DLG2: variants seen among roughly 807,000 people sequenced by gnomAD.
The protein encoded by DLG2 is disks large homolog 2.
DLG2 carries 45 observed loss-of-function variants against 132.5 expected under a neutral mutation model. That is an observed-to-expected ratio of 0.34 (90% CI 0.27 to 0.44). The LOEUF (loss-of-function observed/expected upper bound fraction) is 0.44. DLG2 is among the 20% of genes least tolerant of loss of function. The probability of loss-of-function intolerance (pLI) is 1.00; values close to 1 mark genes in which losing one functional copy is unlikely to be tolerated. For synonymous variants in DLG2, 424 were observed against 419.6 expected, an observed-to-expected ratio of 1.01 and a Z score of -0.13; for missense variants, 1,045 against 1,196.9, an observed-to-expected ratio of 0.87 and a Z score of 1.87.
At chr11:85,260,200 A>G (rs2076870677) in intron 4 of DLG2, among the ~76,000 whole-genome samples, 1 of 152,226 alleles carries the variant, frequency 6.6e-6, no homozygotes. Flanking sequence ...GAGAGAATTA[A>G]TGTGATGCCC....
intron 3 of DLG2, among the ~76,000 whole-genome samples, chr11:85,562,732 TATTC>T (rs146582751): frequency 3.3e-5 from 5 of 151,826 alleles, no homozygotes; most frequent in Non-Finnish European, 7.4e-5. Flanking sequence ...ACTTCCCATC[TATTC>T]ATTCATTCAT....
intron 8 of DLG2, among the ~76,000 whole-genome samples, chr11:84,236,151 G>A (rs976174986): frequency 1.3e-5 from 2 of 151,800 alleles, no homozygotes; most frequent in East Asian, 3.9e-4. Flanking sequence ...TGTGCCCTTG[G>A]CCATACCAAA....
intron 9 of DLG2, among the ~76,000 whole-genome samples, chr11:84,129,559 T>C (rs1449360257): frequency 6.6e-6 from 1 of 152,086 alleles, no homozygotes; most frequent in Non-Finnish European, 1.5e-5. Context: ...TCATCTTGCC[T>C]CAAAACAGCC....
At chr11:83,667,123 T>TA (rs1424126502) in intron 18 of DLG2, among the ~76,000 whole-genome samples, 2 of 152,232 alleles carry the variant, frequency 1.3e-5, no homozygotes, top group East Asian at 3.8e-4. Flanking sequence ...TATAAAAATA[T>TA]GAATAAAGGA....
At chr11:85,206,330 C>T (rs1670603839) in intron 4 of DLG2, among the ~76,000 whole-genome samples, 1 of 152,022 alleles carries the variant, frequency 6.6e-6, no homozygotes, top group African/African-American at 2.4e-5. Context: ...TATAGAAATG[C>T]AAGAACAGAC....
At chr11:85,570,006 C>G (rs1025823724) in intron 3 of DLG2, among the ~76,000 whole-genome samples, 3 of 152,104 alleles carry the variant, frequency 2.0e-5, no homozygotes, top group African/African-American at 7.2e-5. Flanking sequence ...AAGAGGGGGA[C>G]GTACGAAGTG....
chr11:83,666,024 A>G (rs75988276), intron 18 of DLG2, among the ~76,000 whole-genome samples: 3 of 152,088 alleles, frequency 2.0e-5, no homozygotes, highest in Non-Finnish European at 4.4e-5. Context: ...ATGAATGTCA[A>G]GTTCTCTGCT....
At chr11:85,262,510 T>C (rs1197516375) in intron 4 of DLG2, among the ~76,000 whole-genome samples, 1 of 152,126 alleles carries the variant, frequency 6.6e-6, no homozygotes, top group East Asian at 1.9e-4. Flanking sequence ...AAGGAACTCC[T>C]CAAACCTCCA....
intron 3 of DLG2, among the ~76,000 whole-genome samples, chr11:85,386,972 G>C (rs1332395440): frequency 1.3e-5 from 2 of 149,548 alleles, no homozygotes; most frequent in African/African-American, 4.9e-5. Context: ...TTGGCTCACT[G>C]CAACTCCTGG....
chr11:85,026,927 T>G (rs2060574104), intron 6 of DLG2, among the ~76,000 whole-genome samples: 1 of 152,266 alleles, frequency 6.6e-6, no homozygotes, highest in South Asian at 2.1e-4. Flanking sequence ...TACTGAAATA[T>G]TTGCCTATGA....
At chr11:83,480,461 C>T (rs2093011320) in intron 22 of DLG2, 2 of 1,520,912 alleles carry the variant, frequency 1.3e-6, no homozygotes, top group Non-Finnish European at 8.8e-7. Flanking sequence ...CATTGAAGAG[C>T]AGCCAGAACG....
chr11:85,467,133 A>C (rs770679742), intron 3 of DLG2, among the ~76,000 whole-genome samples: 22 of 152,268 alleles, frequency 1.4e-4, no homozygotes, highest in Non-Finnish European at 2.9e-4. Flanking sequence ...GTGTATAAGA[A>C]TGCTTGTGAT....
At chr11:85,097,694 C>A (rs553009350) in intron 6 of DLG2, among the ~76,000 whole-genome samples, 5 of 152,268 alleles carry the variant, frequency 3.3e-5, no homozygotes, top group African/African-American at 1.2e-4. Flanking sequence ...AGCTGTATTT[C>A]TGTTGCCAAG....
rs1389303144 is a variant in DLG2 at position 85,550,701 on chromosome 11, G to A, written c.40+47956C>T. Among the ~76,000 whole-genome samples the A allele has an allele frequency of 3.9e-5, 6 of 152,322 alleles. No homozygotes were observed. The East Asian group carries it at 1.2e-3, about 29-fold the overall frequency. On this transcript the variant is annotated intron_variant, in intron 3 of 27. Transcript: ENST00000376104. ...CATGGAACTTTTCCTAACAAAAGTG[G>A]CAACTGGCTAGTTTGGGTACGGCAT...
At chr11:84,335,083 A>G (rs1369689684) in intron 7 of DLG2, among the ~76,000 whole-genome samples, 1 of 151,370 alleles carries the variant, frequency 6.6e-6, no homozygotes, top group African/African-American at 2.4e-5. Context: ...ATCCAGAACT[A>G]AGTCAAATCC....
chr11:85,433,347 C>T (rs528729919), intron 3 of DLG2, among the ~76,000 whole-genome samples: 35 of 152,222 alleles, frequency 2.3e-4, no homozygotes, highest in African/African-American at 8.2e-4. Flanking sequence ...GGGCTAAATG[C>T]CCCAGTTAAA....
intron 21 of DLG2, among the ~76,000 whole-genome samples, chr11:83,523,808 A>G (rs1165767842): frequency 5.3e-5 from 8 of 152,202 alleles, no homozygotes; most frequent in Admixed American, 5.2e-4. Flanking sequence ...CTCAGAAACC[A>G]TCTGGATTTG....
At chr11:85,569,816 G>A (rs2077741048) in intron 3 of DLG2, among the ~76,000 whole-genome samples, 2 of 152,182 alleles carry the variant, frequency 1.3e-5, no homozygotes. Flanking sequence ...ATTGTGGAAA[G>A]CACTTTGGAG....
chr11:83,936,903 T>G (rs75993653), intron 14 of DLG2, among the ~76,000 whole-genome samples: 5,053 of 152,264 alleles, frequency 0.033, 136 homozygotes, highest in East Asian at 0.15. Context: ...TTCTGAAAGA[T>G]GTTTAAACAA....
Sources: allele counts gnomAD v4.1 joint callset (sites outside exome capture counted in the v4.1 genomes callset), GRCh38; gene constraint gnomAD v4.1.1; transcripts MANE v1.5; gene names NCBI Gene and HGNC (gene_info 2026-07-23, HGNC 2026-07-21).